TNS3: variants seen among roughly 807,000 people sequenced by gnomAD.
TNS3 encodes the protein tensin-3.
TNS3 carries 45 observed loss-of-function variants against 140.9 expected under a neutral mutation model. The observed-to-expected ratio is 0.32, with a 90% CI of 0.25 to 0.41. The LOEUF (loss-of-function observed/expected upper bound fraction) is 0.41, where lower values mean the gene tolerates loss of function less well. Among genes scored for constraint, TNS3 ranks in the 10% least tolerant of loss-of-function variants. The pLI is 1.00. For missense variants in TNS3, 1,716 were observed against 1,906.7 expected (o/e 0.90, Z 1.86); for synonymous variants, 815 against 788.4 (o/e 1.03, Z -0.56).
At chr7:47,579,900 A>T in intron 1 of TNS3, 1 of 971,098 alleles carries the variant, frequency 1.0e-6, no homozygotes, top group Non-Finnish European at 1.2e-6. Context: ...CACCTCCTGC[A>T]GTGGAAGAGC....
intron 1 of TNS3, among the ~76,000 whole-genome samples, chr7:47,548,989 T>A (rs1799992808): frequency 6.6e-6 from 1 of 152,068 alleles, no homozygotes; most frequent in Non-Finnish European, 1.5e-5. Context: ...AGCCAATCTG[T>A]CAGCAAGCCC....
intron 4 of TNS3, among the ~76,000 whole-genome samples, chr7:47,447,928 C>CAA (rs2151615246): frequency 6.6e-6 from 1 of 152,332 alleles, no homozygotes; most frequent in East Asian, 1.9e-4. Context: ...ACCTGAGCTT[C>CAA]AAAGAGTCTT....
chr7:47,452,769 C>T (rs1384549216), intron 4 of TNS3, among the ~76,000 whole-genome samples: 1 of 152,180 alleles, frequency 6.6e-6, no homozygotes, highest in Non-Finnish European at 1.5e-5. Flanking sequence ...AAGGTCCCAC[C>T]GAACATCTGC....
chr7:47,550,424 G>A (rs767050644), intron 1 of TNS3, among the ~76,000 whole-genome samples: 3 of 152,174 alleles, frequency 2.0e-5, no homozygotes, highest in Non-Finnish European at 4.4e-5. Context: ...CCTGTAAGGC[G>A]GTAACCTTGG....
At chr7:47,501,180 G>A (rs984412004) in intron 3 of TNS3, among the ~76,000 whole-genome samples, 2 of 72,644 alleles carry the variant, frequency 2.8e-5, no homozygotes, top group African/African-American at 1.2e-4. Context: ...AAGAGAGGAA[G>A]GAAGGAAGGG....
chr7:47,417,253 T>A (rs78789952), intron 10 of TNS3, among the ~76,000 whole-genome samples: 5,998 of 152,314 alleles, frequency 0.039, 171 homozygotes, highest in Non-Finnish European at 0.06. Flanking sequence ...AACCATGGCC[T>A]CTCCCTGACC....
chr7:47,501,705 C>T (rs1798233178), intron 3 of TNS3, among the ~76,000 whole-genome samples: 1 of 152,136 alleles, frequency 6.6e-6, no homozygotes, highest in Non-Finnish European at 1.5e-5. Flanking sequence ...GCCGAGGCCC[C>T]TGCAGGGTTG....
rs778039027 is a variant in TNS3, at chr7:47,369,490, T to C, written c.1156A>G (p.Thr386Ala). The part of the protein sequence containing the change: ...ATNSPDHSDH[T>A]LSVSSDSGHS... ...CCGGAGTCACTGCTGACAGACAAGG[T>C]GTGGTCACTGTGGTCTGGGCTGTTG... Residue 386 changes from threonine to alanine, a missense_variant, in exon 17 of 31, where the codon ACC (threonine) becomes GCC (alanine). Around this residue, in one of 3 missense-constraint regions of TNS3, gnomAD observed 1,163 missense variants for 1,182.1 expected, o/e 0.98. Coordinates refer to ENST00000311160, the MANE Select transcript of TNS3 (RefSeq NM_022748.12). 38 of 1,613,978 alleles carry C rather than the reference T, an allele frequency of 2.4e-5. No homozygotes were observed. The highest frequency in any genetic ancestry group is 3.1e-5 in the Non-Finnish European group (37 of 1,180,024).
At chr7:47,564,119 G>A (rs553245115) in intron 1 of TNS3, among the ~76,000 whole-genome samples, 8 of 149,056 alleles carry the variant, frequency 5.4e-5, no homozygotes, top group East Asian at 4.0e-4. Flanking sequence ...GCGTGAGCCC[G>A]GGAGGTGGAG....
intron 20 of TNS3, among the ~76,000 whole-genome samples, chr7:47,312,181 T>C (rs1235533726): frequency 3.3e-5 from 5 of 152,206 alleles, no homozygotes; most frequent in Non-Finnish European, 7.3e-5. Context: ...TGTAAATCCA[T>C]AGAGCAGATG....
chr7:47,411,707 C>T lies in TNS3; in HGVS notation c.723+20G>A, dbSNP rs562406719. On this transcript the variant is annotated intron_variant, in intron 13 of 30. Coordinates refer to ENST00000311160, the MANE Select transcript of TNS3 (RefSeq NM_022748.12). ...GAGAGTGGGGACACCAACCCATCTGCGGCCACAGCGGGCACTCACCATGAC... is the reference window on the plus strand; with the variant it reads ...GAGAGTGGGGACACCAACCCATCTGTGGCCACAGCGGGCACTCACCATGAC... The T allele has an allele frequency of 2.1e-5, 34 of 1,602,184 alleles. No individual in the cohort carries two copies. The highest frequency in any genetic ancestry group is 2.0e-4 in the South Asian group (18 of 88,786).
At chr7:47,330,319 C>T (rs890227380) in intron 20 of TNS3, among the ~76,000 whole-genome samples, 3 of 152,210 alleles carry the variant, frequency 2.0e-5, no homozygotes, top group East Asian at 1.9e-4. Context: ...GCTGGTCTCA[C>T]GCAGCTCCCA....
chr7:47,424,304 C>G (rs1794533545), intron 9 of TNS3, 120 bp from the exon 10 acceptor site: 2 of 857,284 alleles, frequency 2.3e-6, no homozygotes, highest in Non-Finnish European at 3.6e-6. Flanking sequence ...GGGCTTCACC[C>G]TTTGCTGCAC....
At chr7:47,533,447 G>C (rs1437461543) in intron 1 of TNS3, among the ~76,000 whole-genome samples, 1 of 141,244 alleles carries the variant, frequency 7.1e-6, no homozygotes, top group Admixed American at 7.3e-5. Context: ...TTTTTTAAAA[G>C]ACAAAGGCTA....
intron 20 of TNS3, among the ~76,000 whole-genome samples, chr7:47,315,387 C>T (rs889828060): frequency 2.0e-5 from 3 of 152,330 alleles, no homozygotes; most frequent in East Asian, 1.9e-4. Context: ...ACTTGGGAGG[C>T]GCGTGCCCGT....
intron 20 of TNS3, among the ~76,000 whole-genome samples, chr7:47,340,091 AC>A (rs1788881908): frequency 1.7e-5 from 1 of 59,732 alleles, no homozygotes; most frequent in African/African-American, 6.3e-5. Context: ...GTGTGCATAT[AC>A]ATATATATAT....
chr7:47,459,041 G>A (rs969693329), intron 4 of TNS3, among the ~76,000 whole-genome samples: 1 of 152,150 alleles, frequency 6.6e-6, no homozygotes, highest in African/African-American at 2.4e-5. Context: ...GGTGCTTTAT[G>A]TCCATATCAC....
intron 28 of TNS3, 60 bp from the exon 29 acceptor site, chr7:47,280,414 G>T: frequency 6.7e-7 from 1 of 1,490,908 alleles, no homozygotes; most frequent in Non-Finnish European, 9.4e-7. Context: ...GGTGATGGGG[G>T]ATGCACTGGG....
intron 20 of TNS3, among the ~76,000 whole-genome samples, chr7:47,314,770 G>A (rs1032094159): frequency 2.0e-5 from 3 of 152,170 alleles, no homozygotes; most frequent in African/African-American, 4.8e-5. Context: ...GGGGATGACC[G>A]GGGTGAGGAG....
Sources: allele counts gnomAD v4.1 joint callset (sites outside exome capture counted in the v4.1 genomes callset), GRCh38; gene constraint gnomAD v4.1.1; regional missense constraint gnomAD v4.1.1; transcripts MANE v1.5; gene names NCBI Gene and HGNC (gene_info 2026-07-23, HGNC 2026-07-21).